The following PCDHGA10 variants were observed in gnomAD, a reference collection of about 807,000 sequenced individuals.
PCDHGA10 encodes the protein protocadherin gamma subfamily A, 10.
A neutral mutation model predicts 59.5 loss-of-function variants in PCDHGA10; 42 were observed. The ratio of observed to expected loss-of-function variants is 0.71; its 90% confidence interval spans 0.55 to 0.91. PCDHGA10 has a LOEUF of 0.91. PCDHGA10 is among the 40% of genes least tolerant of loss of function. The pLI, the probability that PCDHGA10 is intolerant of heterozygous loss-of-function variation, is 0.00. For synonymous variants in PCDHGA10, 511 were observed against 517.2 expected, an observed-to-expected ratio of 0.99 and a Z score of 0.16; for missense variants, 1,111 against 1,198.2, an observed-to-expected ratio of 0.93 and a Z score of 1.07.
intron 1 of PCDHGA10, among the ~76,000 whole-genome samples, chr5:141,460,724 A>G (rs1294708205): frequency 6.6e-6 from 1 of 152,114 alleles, no homozygotes; most frequent in Non-Finnish European, 1.5e-5. Flanking sequence ...TGTTATAAGC[A>G]TATATACACA....
At chr5:141,500,227 G>T (rs959087347) in intron 2 of PCDHGA10, among the ~76,000 whole-genome samples, 15 of 116,224 alleles carry the variant, frequency 1.3e-4, no homozygotes, top group African/African-American at 2.9e-4. Context: ...TTTATTTATT[G>T]ATACGTAGCC....
At chr5:141,488,157 C>T (rs565677003) in intron 1 of PCDHGA10, among the ~76,000 whole-genome samples, 2 of 152,216 alleles carry the variant, frequency 1.3e-5, no homozygotes, top group South Asian at 2.1e-4. Context: ...TAGAGAGGCA[C>T]GCATCAGAGT....
In PCDHGA10 at chr5:141,511,286, G is replaced by A. The variant is rs1231704933; in HGVS notation, c.*113G>A. On this transcript the variant is annotated 3_prime_UTR_variant, in exon 4 of 4. Coordinates refer to ENST00000398610, the MANE Select transcript of PCDHGA10 (RefSeq NM_018913.3). The stretch of plus-strand genomic sequence containing the variant: ...GGCTAACCCCCAGAATACTGGTAGG[G>A]GCCAAGGCCATGCTCCCCTTGGGAA... 2 of 1,520,242 alleles carry A rather than the reference G, an allele frequency of 1.3e-6. No individual in the cohort carries two copies. The allele number at this position is 1,520,242 out of a possible 1,614,324, so 94.2% of individuals were successfully genotyped here.
In PCDHGA10 at chr5:141,506,176, C is replaced by T. The variant is rs183157987; in HGVS notation, c.2584+695C>T. ...CCTTAAGAGCACAGCCTAAGCTGGG[C>T]GTGGTGGCTCACGCCTGTAATCCCA... is the stretch of plus-strand genomic sequence containing the variant. On this transcript the variant is annotated intron_variant, in intron 3 of 3. Coordinates refer to ENST00000398610, the MANE Select transcript of PCDHGA10 (RefSeq NM_018913.3). Among the ~76,000 whole-genome samples the T allele has an allele frequency of 3.0e-3, 454 of 152,234 alleles. 1 individual carries two copies. The highest frequency in any genetic ancestry group is 0.021 in the Admixed American group (317 of 15,296).
chr5:141,487,848 G>C lies in PCDHGA10; in HGVS notation c.2437-6959G>C. ...TCATGCCTATATCTGAGTAAGAAAT[G>C]AAAGTAATTGGTGATCAAGAGCCAG... is the stretch of plus-strand genomic sequence containing the variant. On this transcript the variant is annotated intron_variant, in intron 1 of 3. Coordinates refer to ENST00000398610, the MANE Select transcript of PCDHGA10 (RefSeq NM_018913.3). The surrounding 1 kb of genome is among the most constrained non-coding windows in gnomAD (Gnocchi z 5.0). 1 of 1,022,244 alleles carries C rather than the reference G, an allele frequency of 9.8e-7. No homozygotes were observed. The highest frequency in any genetic ancestry group is 1.4e-6 in the Non-Finnish European group (1 of 711,992). The allele number at this position is 1,022,244 out of a possible 1,614,324, so 63.3% of individuals were successfully genotyped here. A position where few individuals can be genotyped will look rare whatever the true frequency, so the allele number is the denominator to read the frequency against.
intron 1 of PCDHGA10, among the ~76,000 whole-genome samples, chr5:141,435,770 C>G (rs1445835726): frequency 6.6e-6 from 1 of 152,070 alleles, no homozygotes; most frequent in Non-Finnish European, 1.5e-5. Context: ...TTGGTGAATT[C>G]TGTAAAGGTG....
Position 141,486,552 on chromosome 5 carries a change from A to G in PCDHGA10, c.2437-8255A>G. On this transcript the variant is annotated intron_variant, in intron 1 of 3. Coordinates refer to ENST00000398610, the MANE Select transcript of PCDHGA10 (RefSeq NM_018913.3). This position sits in a 1 kb window ranked among gnomAD's most constrained non-coding sequence, Gnocchi z 5.0. ...CCACCCTCTTTCTTTCAGAGGTCAC[A>G]TGAGGTGTTTGTTCCTGAGAACAAT... is the stretch of plus-strand genomic sequence containing the variant. 1 of 1,614,136 alleles carries G rather than the reference A, an allele frequency of 6.2e-7. No homozygotes were observed. The highest frequency in any genetic ancestry group is 2.2e-5 in the East Asian group (1 of 44,882).
intron 1 of PCDHGA10, among the ~76,000 whole-genome samples, chr5:141,438,745 T>C (rs1004731034): frequency 4.7e-5 from 7 of 147,392 alleles, no homozygotes; most frequent in Non-Finnish European, 1.0e-4. Flanking sequence ...CACTGCAACC[T>C]CTGCCTCCTG....
At chr5:141,419,125 C>T in intron 1 of PCDHGA10, 1 of 1,613,852 alleles carries the variant, frequency 6.2e-7, no homozygotes, top group South Asian at 1.1e-5. Flanking sequence ...ACGTCACCAT[C>T]GCAGCCACAG....
At chr5:141,423,277 A>G (rs749771302) in intron 1 of PCDHGA10, 4 of 1,613,988 alleles carry the variant, frequency 2.5e-6, no homozygotes, top group Non-Finnish European at 8.5e-7. Flanking sequence ...GTCTCTGGCT[A>G]ACTCTGAAAC....
At chr5:141,497,050 G>T (rs113054804) in intron 2 of PCDHGA10, among the ~76,000 whole-genome samples, 5,544 of 152,084 alleles carry the variant, frequency 0.036, 137 homozygotes, top group South Asian at 0.074. Context: ...TTAGCCAGGC[G>T]TGGTGGCAGG....
At chr5:141,498,881 T>C (rs9686648) in intron 2 of PCDHGA10, among the ~76,000 whole-genome samples, 77,838 of 149,554 alleles carry the variant, frequency 0.52, 20,828 homozygotes, top group African/African-American at 0.65. Flanking sequence ...TGCAGTGAGC[T>C]GAGATCACAC....
intron 1 of PCDHGA10, among the ~76,000 whole-genome samples, chr5:141,460,992 T>C (rs2099006034): frequency 6.6e-6 from 1 of 151,316 alleles, no homozygotes; most frequent in South Asian, 2.1e-4. Context: ...TGTATATATA[T>C]ATATGTGTAT....
At chr5:141,451,049 C>T (rs538627151) in intron 1 of PCDHGA10, among the ~76,000 whole-genome samples, 1 of 151,422 alleles carries the variant, frequency 6.6e-6, no homozygotes, top group African/African-American at 2.4e-5. Context: ...AGGCTGGTCT[C>T]GAACTCCTGA....
rs1399367534 is a variant in PCDHGA10 at position 141,487,098 on chromosome 5, A to G, written c.2437-7709A>G. 6.2e-7 allele frequency: 1 copy of G among 1,613,778 alleles called. No homozygotes were observed. The highest frequency in any genetic ancestry group is 8.5e-7 in the Non-Finnish European group (1 of 1,179,788). On this transcript the variant is annotated intron_variant, in intron 1 of 3. Transcript: ENST00000398610. The surrounding 1 kb of genome is among the most constrained non-coding windows in gnomAD (Gnocchi z 5.0). ...ATCCCAGCTGACCTCCCACCACAGA[A>G]GCTGGTCATTGTGGTAAAGGATAGT...
rs1444171664 is a variant in PCDHGA10, at chr5:141,477,015, T to G, written c.2437-17792T>G. The G allele has an allele frequency of 1.2e-6, 2 of 1,614,210 alleles. No homozygotes were observed. Among genetic ancestry groups the G allele is most frequent in the Non-Finnish European group, 1.7e-6 (2 of 1,180,038 alleles). On this transcript the variant is annotated intron_variant, in intron 1 of 3. Coordinates refer to ENST00000398610, the MANE Select transcript of PCDHGA10 (RefSeq NM_018913.3). This position sits in a 1 kb window ranked among gnomAD's most constrained non-coding sequence, Gnocchi z 4.9. ...CGGCAACTATTCGCCTTAGACCTTG[T>G]AACCGGGATGCTGACAATCAAGGGT...
chr5:141,478,292 C>T, intron 1 of PCDHGA10: 1 of 1,614,146 alleles, frequency 6.2e-7, no homozygotes, highest in Non-Finnish European at 8.5e-7. Flanking sequence ...GTCTAGAGAC[C>T]TATACCGAGC....
chr5:141,432,428 G>C lies in PCDHGA10; in HGVS notation c.2436+16817G>C. 6.2e-7 allele frequency: 1 copy of C among 1,614,232 alleles called. No homozygotes were observed. On this transcript the variant is annotated intron_variant, in intron 1 of 3. Coordinates refer to ENST00000398610, the MANE Select transcript of PCDHGA10 (RefSeq NM_018913.3). The surrounding 1 kb of genome is among the most constrained non-coding windows in gnomAD (Gnocchi z 6.0). ...GAGCCTGTTCGTGCTGGACCAGAAC[G>C]ACAATGCGCCCGAGATCCTGTACCC...
At chr5:141,502,134 C>T (rs566073996) in intron 2 of PCDHGA10, among the ~76,000 whole-genome samples, 10 of 152,288 alleles carry the variant, frequency 6.6e-5, no homozygotes, top group African/African-American at 2.2e-4. Flanking sequence ...AGAGCTCAGT[C>T]GGGCCGGAAG....
Sources: allele counts gnomAD v4.1 joint callset (sites outside exome capture counted in the v4.1 genomes callset), GRCh38; gene constraint gnomAD v4.1.1; non-coding constraint Gnocchi (gnomAD v3.1); transcripts MANE v1.5; gene names NCBI Gene and HGNC (gene_info 2026-07-23, HGNC 2026-07-21).